PSAP: variants seen among roughly 807,000 people sequenced by gnomAD.
PSAP encodes precursor of saposins.
A neutral mutation model predicts 66.0 loss-of-function variants in PSAP; 25 were observed. The observed-to-expected ratio is 0.38, with a 90% confidence interval of 0.28 to 0.53. The LOEUF (loss-of-function observed/expected upper bound fraction) is 0.53. PSAP is among the 20% of genes least tolerant of loss of function. The pLI, the probability that PSAP is intolerant of heterozygous loss-of-function variation, is 0.83. For missense variants in PSAP, 649 were observed against 668.8 expected, an observed-to-expected ratio of 0.97 and a Z score of 0.33; for synonymous variants, 273 against 258.9, an observed-to-expected ratio of 1.05 and a Z score of -0.52.
intron 1 of PSAP, among the ~76,000 whole-genome samples, chr10:71,843,898 G>T (rs774717332): frequency 6.6e-6 from 1 of 152,182 alleles, no homozygotes; most frequent in South Asian, 2.1e-4. Context: ...TATACAACAC[G>T]TTAACAGTAG....
chr10:71,825,451 C>T (rs1475133345), intron 7 of PSAP, among the ~76,000 whole-genome samples: 1 of 152,234 alleles, frequency 6.6e-6, no homozygotes, highest in East Asian at 1.9e-4. Context: ...GGACAAACTC[C>T]GGGAGGCAGT....
intron 1 of PSAP, among the ~76,000 whole-genome samples, chr10:71,843,653 G>A (rs887162343): frequency 6.6e-6 from 1 of 152,086 alleles, no homozygotes; most frequent in Non-Finnish European, 1.5e-5. Context: ...ATTAGACGTC[G>A]ATGTCCATCA....
intron 8 of PSAP, 100 bp downstream of exon 8, chr10:71,821,776 A>T (rs954592850): frequency 2.0e-6 from 3 of 1,522,380 alleles, no homozygotes; most frequent in African/African-American, 2.7e-5. Flanking sequence ...CCAGGCAGGG[A>T]ACCGAAAGAA....
intron 7 of PSAP, chr10:71,823,797 G>T: frequency 1.1e-6 from 1 of 917,458 alleles, no homozygotes; most frequent in Non-Finnish European, 1.5e-6. Flanking sequence ...GTATCTGTCA[G>T]AGCTAATCAT....
At position 71,819,112 on chromosome 10, in the gene PSAP, CTA is replaced by C. The variant is rs1397384525; in HGVS notation, c.1351-3_1351-2del. Reference sequence around the variant, plus strand: ...CGTACTCTGCCACAAACTGATCACACTATAAAGGAAAGTGGGGACACAGGTCC... The same window carrying C: ...CGTACTCTGCCACAAACTGATCACACTAAAGGAAAGTGGGGACACAGGTCC... On this transcript the variant is annotated splice_acceptor_variant and splice_polypyrimidine_tract_variant and intron_variant, in intron 11 of 13. Coordinates refer to ENST00000394936, the MANE Select transcript of PSAP (RefSeq NM_002778.4). LOFTEE classifies it high-confidence loss of function. The C allele has an allele frequency of 6.2e-7, 1 of 1,613,846 alleles. No individual in the cohort carries two copies. The highest frequency in any genetic ancestry group is 8.5e-7 in the Non-Finnish European group (1 of 1,179,756).
intron 7 of PSAP, chr10:71,823,900 T>C (rs1198649682): frequency 3.9e-6 from 5 of 1,296,676 alleles, no homozygotes; most frequent in African/African-American, 1.5e-5. Flanking sequence ...GATCCTGCTG[T>C]TGAACAAAAA....
intron 13 of PSAP, 88 bp downstream of exon 13, chr10:71,818,529 G>C (rs1589445552): frequency 8.8e-7 from 1 of 1,140,790 alleles, no homozygotes; most frequent in South Asian, 1.2e-5. Context: ...GTGGAGAGTT[G>C]ATCACTGGGT....
chr10:71,841,384 G>T (rs1484065260), intron 1 of PSAP, among the ~76,000 whole-genome samples: 1 of 152,188 alleles, frequency 6.6e-6, no homozygotes, highest in African/African-American at 2.4e-5. Context: ...CCAGATATAT[G>T]TGAGTCTACT....
rs368688060 is a variant in PSAP, at chr10:71,828,027, C to A, written c.707G>T (p.Gly236Val). Residue 236 changes from glycine (G) to valine (V), a missense_variant, in exon 6 of 14, where the codon GGC becomes GTC. Gly to Val is a moderately radical substitution (Grantham distance 109, BLOSUM62 -3). Coordinates refer to ENST00000394936, the MANE Select transcript of PSAP (RefSeq NM_002778.4). The part of the protein sequence containing the change: ...VKEECDRLGP[G>V]MADICKNYIS... The stretch of plus-strand genomic sequence containing the variant: ...CACAAGGCTCACTATGTCGGCCATG[C>A]CAGGGCCCAGGCGGTCACACTCCTC... The A allele has an allele frequency of 3.7e-6, 6 of 1,614,060 alleles. No homozygotes were observed. The highest frequency in any genetic ancestry group is 5.1e-6 in the Non-Finnish European group (6 of 1,180,032).
chr10:71,824,959 T>C (rs1435351856), intron 7 of PSAP, among the ~76,000 whole-genome samples: 2 of 152,166 alleles, frequency 1.3e-5, no homozygotes, highest in Non-Finnish European at 2.9e-5. Flanking sequence ...TAATCCCAAA[T>C]AAACTACTCC....
chr10:71,819,866 G>A lies in PSAP; in HGVS notation c.1040C>T (p.Ser347Leu), dbSNP rs768846459. The A allele has an allele frequency of 1.5e-5, 25 of 1,613,992 alleles. No homozygotes were observed. The highest frequency in any genetic ancestry group is 5.5e-5 in the South Asian group (5 of 91,078). Reference sequence around the variant, plus strand: ...TTCCGACAGGGACTTCGGCAGCTTCGAGCACATTTTGTCAAAAGCGTCGAG... The same window carrying A: ...TTCCGACAGGGACTTCGGCAGCTTCAAGCACATTTTGTCAAAAGCGTCGAG... ...EILDAFDKMCSKLPKSLSEEC... is the reference protein window; with the variant it reads ...EILDAFDKMCLKLPKSLSEEC... The change falls in exon 10 of 14, where the codon TCG becomes TTG. Residue 347 changes from serine (S) to leucine (L), a missense_variant. Physicochemically the swap from Ser to Leu is moderately radical, Grantham distance 145. Transcript: ENST00000394936.
intron 4 of PSAP, 57 bp downstream of exon 4, chr10:71,831,069 T>C: frequency 6.2e-7 from 1 of 1,609,474 alleles, no homozygotes; most frequent in Non-Finnish European, 8.5e-7. Flanking sequence ...TCTGGGCCAC[T>C]GCCTCTCCTG....
intron 7 of PSAP, chr10:71,823,959 T>C: frequency 6.6e-6 from 8 of 1,205,264 alleles, no homozygotes; most frequent in Non-Finnish European, 8.8e-6. Context: ...ACACAACAGT[T>C]AAGAAAAATT....
chr10:71,834,620 C>G, intron 1 of PSAP, 115 bp from the exon 2 acceptor site: 1 of 1,372,706 alleles, frequency 7.3e-7, no homozygotes, highest in Non-Finnish European at 1.0e-6. Context: ...GCTACTCAGC[C>G]CCTCACCAAG....
chr10:71,837,762 G>C (rs144808966), intron 1 of PSAP, among the ~76,000 whole-genome samples: 60 of 152,354 alleles, frequency 3.9e-4, no homozygotes, highest in African/African-American at 1.4e-3. Flanking sequence ...AACGAAATTG[G>C]AATTGGCACC....
chr10:71,819,004 A>G (rs1377962643), intron 12 of PSAP, 27 bp downstream of exon 12: 2 of 1,604,150 alleles, frequency 1.2e-6, no homozygotes, highest in African/African-American at 2.7e-5. Flanking sequence ...GCTGCCCGAG[A>G]GGACCACACC....
intron 5 of PSAP, among the ~76,000 whole-genome samples, chr10:71,828,664 T>C (rs1463369457): frequency 6.7e-6 from 1 of 150,166 alleles, no homozygotes; most frequent in African/African-American, 2.5e-5. Context: ...AGAAGTAAAT[T>C]TTTTTAAAGG....
At chr10:71,832,753 G>A (rs368611765) in intron 2 of PSAP, among the ~76,000 whole-genome samples, 50 of 152,132 alleles carry the variant, frequency 3.3e-4, no homozygotes, top group Non-Finnish European at 5.1e-4. Flanking sequence ...AGAGAGGGCC[G>A]GGCCGGGCGT....
At position 71,839,309 on chromosome 10, in the gene PSAP, G is replaced by A. The variant is rs1008489523; in HGVS notation, c.41-4804C>T. 7.9e-5 allele frequency among the ~76,000 whole-genome samples: 12 copies of A among 151,892 alleles called. No homozygotes were observed. The East Asian group carries it at 1.2e-3, about 15-fold the overall frequency. On this transcript the variant is annotated intron_variant, in intron 1 of 13. Transcript: ENST00000394936. ...GGCTGGAGTGCAGTGGCACGATCTC[G>A]GCTTACTGCAGCCTCCACTTCCCGG...
Sources: gnomAD v4.1 joint callset for allele counts (sites outside exome capture counted in the v4.1 genomes callset) on GRCh38, gnomAD v4.1.1 for gene constraint, MANE v1.5 for transcripts, NCBI Gene and HGNC (gene_info 2026-07-23, HGNC 2026-07-21) for gene names.